SLURP2: variants seen among roughly 807,000 people sequenced by gnomAD.
SLURP2 encodes the protein secreted Ly-6/uPAR domain-containing protein 2.
In SLURP2, 4 loss-of-function variants were observed where a neutral mutation model predicts 9.8. The ratio of observed to expected loss-of-function variants is 0.41; its 90% CI spans 0.20 to 0.94. The LOEUF (loss-of-function observed/expected upper bound fraction) is 0.94, where lower values mean the gene tolerates loss of function less well. SLURP2 is among the 40% of genes least tolerant of loss of function. The pLI is 0.32. For synonymous variants in SLURP2, 58 were observed against 56.2 expected (o/e 1.03, Z -0.15); for missense variants, 118 against 126.4 (o/e 0.93, Z 0.32).
In SLURP2 at chr8:142,764,403, G is replaced by T; in HGVS notation, c.*202C>A. The T allele has an allele frequency of 1.5e-6, 1 of 680,974 alleles. No homozygotes were observed. Among genetic ancestry groups the T allele is most frequent in the Non-Finnish European group, 2.6e-6 (1 of 385,322 alleles). 42.2% of individuals were successfully genotyped at this position (680,974 alleles called of 1,614,324 possible). A position where few individuals can be genotyped will look rare whatever the true frequency, so the allele number is the denominator to read the frequency against. On this transcript the variant is annotated 3_prime_UTR_variant, in exon 3 of 3. Coordinates refer to ENST00000317543, the MANE Select transcript of SLURP2 (RefSeq NM_177458.3). ...CGGGACCTGAAGGGGCGGCAGGCAC[G>T]ATGGGCCCCAGGCTTGGACGGCAGC... is the stretch of plus-strand genomic sequence containing the variant.
rs1451604033 is a variant in SLURP2, at chr8:142,764,538, G to A, written c.*67C>T. 1.3e-6 allele frequency: 2 copies of A among 1,544,654 alleles called. No homozygotes were observed. Among genetic ancestry groups the A allele is most frequent in the Admixed American group, 2.0e-5 (1 of 50,276 alleles). ...CCAGTCTCGAGGGAGGGGCAGCTGT[G>A]AGCCCTGGCGCCAGGCTGTGGGGGC... On this transcript the variant is annotated 3_prime_UTR_variant, in exon 3 of 3. Transcript: ENST00000317543.
chr8:142,767,744 AGT>A lies in SLURP2; in HGVS notation c.52+2009_52+2010del, dbSNP rs587694564. 3.9e-4 allele frequency among the ~76,000 whole-genome samples: 60 copies of A among 151,938 alleles called. No individual in the cohort carries two copies. In the Middle Eastern group the frequency reaches 0.01, roughly 26 times the overall value. On this transcript the variant is annotated intron_variant, in intron 1 of 2. Transcript: ENST00000317543. ...GCAGCATCCTGCCCCAGCTGGCATC[AGT>A]GTCCCTGCTCCAAGTGATTGTGCTC...
At chr8:142,765,269 CT>C (rs1814966236) in intron 1 of SLURP2, 129 bp from the exon 2 acceptor site, 1 of 710,058 alleles carries the variant, frequency 1.4e-6, no homozygotes, top group East Asian at 2.9e-5. Flanking sequence ...TGTCCCGACC[CT>C]GTGATCCAGC....
At chr8:142,769,568 G>C (rs1235669638) in intron 1 of SLURP2, among the ~76,000 whole-genome samples, 187 bp downstream of exon 1, 1 of 151,070 alleles carries the variant, frequency 6.6e-6, no homozygotes, top group Non-Finnish European at 1.5e-5. Flanking sequence ...TCGGGGGCTG[G>C]GGCTGAGCTG....
chr8:142,768,571 G>A lies in SLURP2; in HGVS notation c.52+1184C>T, dbSNP rs1203956585. On this transcript the variant is annotated intron_variant, in intron 1 of 2. Coordinates refer to ENST00000317543, the MANE Select transcript of SLURP2 (RefSeq NM_177458.3). The surrounding 1 kb of genome is among the most constrained non-coding windows in gnomAD (Gnocchi z 4.8). ...AGGGAAGGGCCTCTGGGTCAGAGGG[G>A]AGTCCGTGGGCACCGGGCACCCAGG... 3.9e-5 allele frequency among the ~76,000 whole-genome samples: 6 copies of A among 152,136 alleles called. No individual in the cohort carries two copies. The highest frequency in any genetic ancestry group is 1.3e-4 in the Admixed American group (2 of 15,280).
At chr8:142,769,117 G>T (rs1349536799) in intron 1 of SLURP2, among the ~76,000 whole-genome samples, 1 of 152,042 alleles carries the variant, frequency 6.6e-6, no homozygotes, top group African/African-American at 2.4e-5. Context: ...AGCTGTGCTT[G>T]AGGGGTCATC....
chr8:142,766,840 T>C (rs146603892), intron 1 of SLURP2, among the ~76,000 whole-genome samples: 1 of 152,108 alleles, frequency 6.6e-6, no homozygotes, highest in African/African-American at 2.4e-5. Context: ...AGGCCAATGG[T>C]GTGGCCATAA....
intron 1 of SLURP2, among the ~76,000 whole-genome samples, chr8:142,765,763 ACAGC>A (rs1339013005): frequency 6.6e-6 from 1 of 151,982 alleles, no homozygotes; most frequent in Non-Finnish European, 1.5e-5. Flanking sequence ...AAGTTCAAGA[ACAGC>A]CTGGCCAATA....
At chr8:142,769,677 C>G (rs1275679685) in intron 1 of SLURP2, 78 bp downstream of exon 1, 61 of 1,378,312 alleles carry the variant, frequency 4.4e-5, no homozygotes, top group Non-Finnish European at 6.0e-5. Context: ...GCAGTCACAG[C>G]CCAGGGCTGG....
rs1467132704 is a variant in SLURP2 at position 142,765,813 on chromosome 8, A to G, written c.53-673T>C. On this transcript the variant is annotated intron_variant, in intron 1 of 2. Transcript: ENST00000317543. ...CTATCTCTACTAAAAATATAAAAACATTAGCTGGGCATGGTGGCGTGTGCC... is the reference window on the plus strand; with the variant it reads ...CTATCTCTACTAAAAATATAAAAACGTTAGCTGGGCATGGTGGCGTGTGCC... Among the ~76,000 whole-genome samples, 9 of 152,164 alleles carry G rather than the reference A, an allele frequency of 5.9e-5. No individual in the cohort carries two copies. In the East Asian group the frequency reaches 1.7e-3, roughly 29 times the overall value.
Position 142,764,477 on chromosome 8 carries a change from G to T in SLURP2, c.*128C>A. On this transcript the variant is annotated 3_prime_UTR_variant, in exon 3 of 3. Coordinates refer to ENST00000317543, the MANE Select transcript of SLURP2 (RefSeq NM_177458.3). ...GGACTTCCCTAGGACAAGCGGTGCT[G>T]GACGGTGGCTGCAGAGGCCGGGAGA... is the stretch of plus-strand genomic sequence containing the variant. 1 of 976,448 alleles carries T rather than the reference G, an allele frequency of 1.0e-6. No individual in the cohort carries two copies. Among genetic ancestry groups the T allele is most frequent in the Non-Finnish European group, 1.6e-6 (1 of 632,002 alleles). 60.5% of individuals were successfully genotyped at this position (976,448 alleles called of 1,614,324 possible).
intron 1 of SLURP2, among the ~76,000 whole-genome samples, chr8:142,769,495 G>T (rs2289072): frequency 0.075 from 11,055 of 148,062 alleles, 689 homozygotes; most frequent in Admixed American, 0.2. Context: ...TCTGGGGGCT[G>T]GGCAGAGGAA....
intron 1 of SLURP2, among the ~76,000 whole-genome samples, chr8:142,769,408 G>T (rs1267755029): frequency 6.6e-6 from 1 of 151,770 alleles, no homozygotes; most frequent in African/African-American, 2.4e-5. Flanking sequence ...GAGGGCTGGA[G>T]GGGGGCACAT....
In SLURP2 at chr8:142,765,230, A is replaced by T. The variant is rs994954817; in HGVS notation, c.53-90T>A. On this transcript the variant is annotated intron_variant, in intron 1 of 2. Coordinates refer to ENST00000317543, the MANE Select transcript of SLURP2 (RefSeq NM_177458.3). Reference sequence around the variant, plus strand: ...TGACGGCACGCACTCATCTCCACCCAGCAGCCCATGCTCCTTCTCAGCGGC... The same window carrying T: ...TGACGGCACGCACTCATCTCCACCCTGCAGCCCATGCTCCTTCTCAGCGGC... The T allele has an allele frequency of 4.1e-6, 4 of 978,028 alleles. No homozygotes were observed. In the African/African-American group the frequency reaches 4.8e-5, roughly 12 times the overall value. 60.6% of individuals were successfully genotyped at this position (978,028 alleles called of 1,614,324 possible). A position where few individuals can be genotyped will look rare whatever the true frequency, so the allele number is the denominator to read the frequency against.
intron 1 of SLURP2, among the ~76,000 whole-genome samples, chr8:142,769,458 G>A (rs1159541551): frequency 6.6e-6 from 1 of 151,092 alleles, no homozygotes; most frequent in East Asian, 2.0e-4. Flanking sequence ...GTGCGTGTGT[G>A]AGGGGTGTCG....
chr8:142,766,320 C>CA (rs1040412774), intron 1 of SLURP2: 62 of 152,336 alleles, frequency 4.1e-4, no homozygotes, highest in Admixed American at 3.7e-3. Flanking sequence ...GATCTCCCCC[C>CA]ACCCCGCGAA....
intron 1 of SLURP2, chr8:142,766,137 G>A (rs1024815282): frequency 3.9e-5 from 6 of 152,098 alleles, no homozygotes; most frequent in African/African-American, 1.4e-4. Flanking sequence ...TCCTTTCCCA[G>A]GCGCTGTGGA....
Position 142,765,104 on chromosome 8 carries a change from C to T in SLURP2, c.89G>A (p.Gly30Asp). The change falls in exon 2 of 3, where the codon GGC becomes GAC. Residue 30 changes from glycine to aspartate, a missense_variant. By Grantham distance (94) the Gly-to-Asp change is moderately conservative (BLOSUM62 -1). Transcript: ENST00000317543. ...AEAIWCHQCT[G>D]FGGCSHGSRC... ...GGATCCATGGGAGCACCCTCCGAAG[C>T]CCGTGCACTGGTGACACCATATGGC... The T allele has an allele frequency of 6.2e-7, 1 of 1,612,550 alleles. No individual in the cohort carries two copies.
At chr8:142,767,056 G>C (rs1815028746) in intron 1 of SLURP2, among the ~76,000 whole-genome samples, 1 of 152,248 alleles carries the variant, frequency 6.6e-6, no homozygotes, top group Non-Finnish European at 1.5e-5. Flanking sequence ...CCGGGTTCCT[G>C]ACAGCATGGC....
Sources: allele counts gnomAD v4.1 joint callset (sites outside exome capture counted in the v4.1 genomes callset), GRCh38; gene constraint gnomAD v4.1.1; non-coding constraint Gnocchi (gnomAD v3.1); transcripts MANE v1.5; gene names NCBI Gene and HGNC (gene_info 2026-07-23, HGNC 2026-07-21).